Variants in BEAN1 observed in about 807,000 individuals in gnomAD.
The protein encoded by BEAN1 is protein BEAN1.
Under a neutral mutation model 17.7 loss-of-function variants are expected in BEAN1, and 17 were observed. The ratio of observed to expected loss-of-function variants is 0.96; its 90% CI spans 0.66 to 1.44. The LOEUF (loss-of-function observed/expected upper bound fraction) is 1.44. BEAN1 is among the 40% of genes most tolerant of loss of function. The probability of loss-of-function intolerance (pLI) is 0.00; values close to 1 mark genes in which losing one functional copy is unlikely to be tolerated. For synonymous variants in BEAN1, 142 were observed against 151.8 expected, an observed-to-expected ratio of 0.94 and a Z score of 0.47; for missense variants, 359 against 374.1, an observed-to-expected ratio of 0.96 and a Z score of 0.33.
At chr16:66,431,759 C>T (rs575840518) in intron 1 of BEAN1, among the ~76,000 whole-genome samples, 1 of 151,678 alleles carries the variant, frequency 6.6e-6, no homozygotes, top group South Asian at 2.1e-4. Flanking sequence ...TTTTTTTCCC[C>T]AGAAAGTCAT....
chr16:66,461,565 C>T (rs1490875871), intron 2 of BEAN1, among the ~76,000 whole-genome samples: 2 of 131,562 alleles, frequency 1.5e-5, no homozygotes, highest in South Asian at 2.5e-4. Context: ...GGCAGGCAGG[C>T]GCAGACACAC....
intron 4 of BEAN1, among the ~76,000 whole-genome samples, chr16:66,492,515 C>A (rs1392613159): frequency 6.6e-6 from 1 of 152,128 alleles, no homozygotes; most frequent in East Asian, 1.9e-4. Flanking sequence ...TCTGTCCTCA[C>A]TGCAACCTCC....
chr16:66,469,470 A>C, intron 2 of BEAN1, 132 bp from the exon 3 acceptor site: 2 of 1,124,214 alleles, frequency 1.8e-6, no homozygotes, highest in Non-Finnish European at 2.5e-6. Context: ...GCCAGGATAG[A>C]GTCCGTGGGC....
Position 66,482,670 on chromosome 16 carries a change from A to G in BEAN1, c.*1745A>G, listed in dbSNP as rs1348083082. 1 of 364,016 alleles carries G rather than the reference A, an allele frequency of 2.7e-6. No individual in the cohort carries two copies. The allele number at this position is 364,016 out of a possible 1,614,324, so 22.5% of individuals were successfully genotyped here. A position where few individuals can be genotyped will look rare whatever the true frequency, so the allele number is the denominator to read the frequency against. The stretch of plus-strand genomic sequence containing the variant: ...TGCAATTCCAGAGAGTGCTGGGGGA[A>G]AAAAAGGGATAAAAATTCCTACCTA... On this transcript the variant is annotated 3_prime_UTR_variant, in exon 5 of 5. Coordinates refer to ENST00000536005, the MANE Select transcript of BEAN1 (RefSeq NM_001178020.3).
At chr16:66,480,058 G>A (rs763345741) in intron 4 of BEAN1, among the ~76,000 whole-genome samples, 1 of 152,116 alleles carries the variant, frequency 6.6e-6, no homozygotes, top group Non-Finnish European at 1.5e-5. Flanking sequence ...CTCCTCCTTG[G>A]CCTTCCACCT....
At chr16:66,445,406 G>A (rs1399739590) in intron 2 of BEAN1, among the ~76,000 whole-genome samples, 3 of 146,064 alleles carry the variant, frequency 2.1e-5, no homozygotes, top group South Asian at 2.2e-4. Context: ...AACCTGGGAG[G>A]TGGAGCTTGC....
chr16:66,484,107 C>G (rs866713485), downstream of BEAN1: 3 of 178,316 alleles, frequency 1.7e-5, no homozygotes, highest in South Asian at 3.4e-4. The surrounding 1 kb of genome is among the most constrained non-coding windows in gnomAD (Gnocchi z 4.2). Flanking sequence ...ATTTTTGGGG[C>G]TCACCCCCGC....
At chr16:66,445,659 G>C (rs756339072) in intron 2 of BEAN1, among the ~76,000 whole-genome samples, 1 of 152,114 alleles carries the variant, frequency 6.6e-6, no homozygotes, top group African/African-American at 2.4e-5. Context: ...AGCAGGTTTG[G>C]CTTGATCCAT....
chr16:66,445,852 G>A (rs1962434358), intron 2 of BEAN1, among the ~76,000 whole-genome samples: 2 of 152,122 alleles, frequency 1.3e-5, no homozygotes, highest in South Asian at 4.1e-4. Context: ...AGAGGCTAGA[G>A]GAGGACCCAG....
intron 4 of BEAN1, among the ~76,000 whole-genome samples, chr16:66,488,314 G>A (rs1474045105): frequency 6.6e-6 from 1 of 152,052 alleles, no homozygotes; most frequent in Admixed American, 6.6e-5. Flanking sequence ...CTCTCCCTAG[G>A]GAACAAAACT....
intron 2 of BEAN1, among the ~76,000 whole-genome samples, chr16:66,460,048 CT>C (rs1261909594): frequency 1.3e-5 from 2 of 152,232 alleles, no homozygotes; most frequent in African/African-American, 2.4e-5. Context: ...CAGACTGCCC[CT>C]GGTCCAATTC....
In BEAN1 at chr16:66,470,156, T is replaced by C. The variant is rs1170296008; in HGVS notation, c.289+291T>C. The C allele has an allele frequency of 9.7e-6, 5 of 516,106 alleles. No individual in the cohort carries two copies. The Admixed American group carries it at 1.7e-4, about 18-fold the overall frequency. The allele number at this position is 516,106 out of a possible 1,614,324, so 32.0% of individuals were successfully genotyped here. On this transcript the variant is annotated intron_variant, in intron 3 of 4. Transcript: ENST00000536005. Reference sequence around the variant, plus strand: ...TGGTCCAGGCTGCACCAAGGGCTGGTCCATCTGGTGTCTCGATGGATGGAT... The same window carrying C: ...TGGTCCAGGCTGCACCAAGGGCTGGCCCATCTGGTGTCTCGATGGATGGAT...
intron 2 of BEAN1, among the ~76,000 whole-genome samples, chr16:66,465,231 G>A (rs9939538): frequency 0.045 from 6,832 of 152,080 alleles, 407 homozygotes; most frequent in African/African-American, 0.14. Context: ...TTTCATTCCC[G>A]GGATAAATCG....
At chr16:66,453,342 T>C (rs1597004663) in intron 2 of BEAN1, among the ~76,000 whole-genome samples, 4 of 147,634 alleles carry the variant, frequency 2.7e-5, no homozygotes, top group South Asian at 2.2e-4. Flanking sequence ...CATTCTGTTA[T>C]ACACACACAC....
Position 66,469,648 on chromosome 16 carries a change from G to C in BEAN1, c.72G>C (p.Glu24Asp), listed in dbSNP as rs1415390927. The C allele has an allele frequency of 6.5e-7, 1 of 1,536,074 alleles. No individual in the cohort carries two copies. Reference sequence around the variant, plus strand: ...GCTACTTCTACCCCACATTCTCAGAGAGCTCGGAGCACAGCCATCTGCTCG... The same window carrying C: ...GCTACTTCTACCCCACATTCTCAGACAGCTCGGAGCACAGCCATCTGCTCG... ...RTSYFYPTFS[E>D]SSEHSHLLVS... The change falls in exon 3 of 5, where the codon GAG becomes GAC. Residue 24 changes from glutamate (E) to aspartate (D), a missense_variant. Transcript: ENST00000536005.
chr16:66,463,325 A>G (rs2142419668), intron 2 of BEAN1, among the ~76,000 whole-genome samples: 1 of 152,244 alleles, frequency 6.6e-6, no homozygotes, highest in Admixed American at 6.5e-5. Context: ...TGTCTTTTTG[A>G]TTATAGCCAT....
downstream of BEAN1, among the ~76,000 whole-genome samples, chr16:66,495,127 G>C (rs920350749): frequency 6.6e-6 from 1 of 152,164 alleles, no homozygotes; most frequent in African/African-American, 2.4e-5. Flanking sequence ...GGGGCCTCAG[G>C]CTGGAAGGAT....
At chr16:66,477,789 A>G in intron 4 of BEAN1, 79 bp downstream of exon 4, 7 of 1,380,608 alleles carry the variant, frequency 5.1e-6, no homozygotes, top group Non-Finnish European at 6.7e-6. Context: ...ATCATGGGAA[A>G]GAGTGGCACC....
rs1316040081 is a variant in BEAN1, at chr16:66,434,774, A to G, written c.-82-2821A>G. On this transcript the variant is annotated intron_variant, in intron 1 of 4. Transcript: ENST00000536005. The surrounding 1 kb of genome is among the most constrained non-coding windows in gnomAD (Gnocchi z 4.3). ...TGCATAGAGATCCTCCTCTTCAGCA[A>G]GCCAAGCACCTTTGAAAGGCAGCCT... 1.3e-5 allele frequency among the ~76,000 whole-genome samples: 2 copies of G among 152,134 alleles called. No individual in the cohort carries two copies. The highest frequency in any genetic ancestry group is 3.9e-4 in the East Asian group (2 of 5,176).
Sources: allele counts gnomAD v4.1 joint callset (sites outside exome capture counted in the v4.1 genomes callset), GRCh38; gene constraint gnomAD v4.1.1; non-coding constraint Gnocchi (gnomAD v3.1); transcripts MANE v1.5; gene names NCBI Gene and HGNC (gene_info 2026-07-23, HGNC 2026-07-21).